CTNNA3: variants seen among roughly 807,000 people sequenced by gnomAD.
The protein encoded by CTNNA3 is catenin alpha-3.
CTNNA3 carries 76 observed loss-of-function variants against 95.7 expected under a neutral mutation model. The observed-to-expected ratio is 0.79, with a 90% confidence interval of 0.66 to 0.96. CTNNA3 has a LOEUF of 0.96. CTNNA3 is among the 40% of genes least tolerant of loss of function. The probability of loss-of-function intolerance (pLI) is 0.00; values close to 1 mark genes in which losing one functional copy is unlikely to be tolerated. For synonymous variants in CTNNA3, 431 were observed against 374.4 expected, an observed-to-expected ratio of 1.15 and a Z score of -1.74; for missense variants, 1,191 against 1,089.8, an observed-to-expected ratio of 1.09 and a Z score of -1.31.
intron 11 of CTNNA3, among the ~76,000 whole-genome samples, chr10:66,405,118 T>C (rs1158476045): frequency 6.6e-6 from 1 of 152,184 alleles, no homozygotes; most frequent in African/African-American, 2.4e-5. Flanking sequence ...TTTAACATTA[T>C]AATGGACACA....
At chr10:66,445,878 T>G (rs765982742) in intron 11 of CTNNA3, among the ~76,000 whole-genome samples, 97 of 152,026 alleles carry the variant, frequency 6.4e-4, no homozygotes, top group Non-Finnish European at 3.1e-4. Flanking sequence ...AATTAATGAA[T>G]CCAGGAGCTG....
At chr10:66,201,116 A>G (rs1208455489) in intron 13 of CTNNA3, among the ~76,000 whole-genome samples, 7 of 152,146 alleles carry the variant, frequency 4.6e-5, no homozygotes, top group African/African-American at 1.7e-4. Flanking sequence ...CATTCTCATT[A>G]CCTAATACAT....
chr10:66,697,063 G>A (rs545513514), intron 9 of CTNNA3, among the ~76,000 whole-genome samples: 2 of 152,050 alleles, frequency 1.3e-5, no homozygotes, highest in Admixed American at 1.3e-4. Context: ...GGAATTGTTA[G>A]GAAGCAACTG....
At chr10:67,425,432 C>T (rs780992060) in intron 5 of CTNNA3, among the ~76,000 whole-genome samples, 28 of 151,722 alleles carry the variant, frequency 1.8e-4, no homozygotes, top group Non-Finnish European at 3.5e-4. Context: ...GGTGATCAGG[C>T]AGAAAATAGG....
intron 13 of CTNNA3, among the ~76,000 whole-genome samples, chr10:66,244,907 A>G (rs1411738721): frequency 1.3e-5 from 2 of 152,182 alleles, no homozygotes; most frequent in African/African-American, 4.8e-5. Context: ...CCAGAGACCA[A>G]TCCTGGAGAA....
intron 7 of CTNNA3, among the ~76,000 whole-genome samples, chr10:66,933,649 C>T (rs1208771245): frequency 6.6e-6 from 1 of 152,086 alleles, no homozygotes; most frequent in East Asian, 1.9e-4. Flanking sequence ...GAAGACTGTG[C>T]CCAAGATCTC....
At chr10:66,514,366 G>A (rs748200830) in intron 11 of CTNNA3, among the ~76,000 whole-genome samples, 1 of 152,082 alleles carries the variant, frequency 6.6e-6, no homozygotes, top group Non-Finnish European at 1.5e-5. Flanking sequence ...TGGCGTAGTA[G>A]CAGTGAATAT....
intron 9 of CTNNA3, among the ~76,000 whole-genome samples, chr10:66,716,847 A>G (rs1848467173): frequency 6.6e-6 from 1 of 152,156 alleles, no homozygotes; most frequent in Non-Finnish European, 1.5e-5. Context: ...CTATCAAAGC[A>G]AAAAAACTTG....
chr10:67,350,919 T>TA (rs1365706735), intron 5 of CTNNA3, among the ~76,000 whole-genome samples: 6 of 149,712 alleles, frequency 4.0e-5, no homozygotes, highest in African/African-American at 1.5e-4. Flanking sequence ...TGTATATATA[T>TA]ATATATATAT....
At chr10:66,281,273 T>A (rs2091487143) in intron 12 of CTNNA3, among the ~76,000 whole-genome samples, 1 of 151,854 alleles carries the variant, frequency 6.6e-6, no homozygotes, top group South Asian at 2.1e-4. Flanking sequence ...ATGGATTATC[T>A]TTTTAAATTA....
At chr10:66,051,750 CTA>C (rs1360491761) in intron 15 of CTNNA3, among the ~76,000 whole-genome samples, 19 of 152,138 alleles carry the variant, frequency 1.2e-4, no homozygotes, top group African/African-American at 4.3e-4. Flanking sequence ...TTCTTGCAGA[CTA>C]TCAATTCTAT....
upstream of CTNNA3, among the ~76,000 whole-genome samples, chr10:67,699,217 A>G (rs1295464699): frequency 2.0e-5 from 3 of 152,096 alleles, no homozygotes; most frequent in Admixed American, 6.5e-5. Context: ...CAAACAAACA[A>G]AACATACTTT....
intron 14 of CTNNA3, among the ~76,000 whole-genome samples, chr10:66,100,240 A>T (rs10996896): frequency 6.6e-6 from 1 of 152,022 alleles, no homozygotes; most frequent in Non-Finnish European, 1.5e-5. Context: ...ATGCATTTCC[A>T]AATTGTCCAT....
chr10:66,713,553 C>T (rs1030185342), intron 9 of CTNNA3, among the ~76,000 whole-genome samples: 34 of 152,040 alleles, frequency 2.2e-4, no homozygotes, highest in African/African-American at 8.0e-4. Flanking sequence ...TGGTTCCCTA[C>T]TAATAGATTA....
intron 9 of CTNNA3, among the ~76,000 whole-genome samples, chr10:66,686,944 T>C (rs190914304): frequency 5.6e-4 from 85 of 152,264 alleles, no homozygotes; most frequent in African/African-American, 2.0e-3. Context: ...GAATTAAAGA[T>C]AATTTTTTAA....
intron 12 of CTNNA3, among the ~76,000 whole-genome samples, chr10:66,345,096 A>G (rs1158989656): frequency 6.6e-6 from 1 of 152,096 alleles, no homozygotes; most frequent in African/African-American, 2.4e-5. Flanking sequence ...ATTAGAAAAA[A>G]TATGGCATAG....
chr10:66,322,794 T>G (rs913430608), intron 12 of CTNNA3, among the ~76,000 whole-genome samples: 14 of 152,052 alleles, frequency 9.2e-5, no homozygotes, highest in African/African-American at 3.1e-4. Context: ...GGTGACTTAC[T>G]GGAGACCAAA....
chr10:66,566,436 G>A (rs574920587), intron 10 of CTNNA3, among the ~76,000 whole-genome samples: 4 of 152,284 alleles, frequency 2.6e-5, no homozygotes, highest in Admixed American at 6.5e-5. Context: ...GTAAGTCTGT[G>A]CCCAGATTGA....
rs1842270905 is a variant in CTNNA3 at position 67,578,998 on chromosome 10, T to TATATAG, written c.292+27858_292+27859insCTATAT. Among the ~76,000 whole-genome samples the TATATAG allele has an allele frequency of 4.0e-5, 2 of 50,046 alleles. 1 individual carries two copies. The highest frequency in any genetic ancestry group is 6.0e-5 in the Non-Finnish European group (2 of 33,270). 32.8% of individuals were successfully genotyped at this position (50,046 alleles called of 152,430 possible). A position where few individuals can be genotyped will look rare whatever the true frequency, so the allele number is the denominator to read the frequency against. ...TATAAAACCCACCTGATCATAGTGA[T>TATATAG]ATATATATATATATATATATATATA... On this transcript the variant is annotated intron_variant, in intron 3 of 17. Coordinates refer to ENST00000433211, the MANE Select transcript of CTNNA3 (RefSeq NM_013266.4).
Sources: allele counts gnomAD v4.1 joint callset (sites outside exome capture counted in the v4.1 genomes callset), GRCh38; gene constraint gnomAD v4.1.1; transcripts MANE v1.5; gene names NCBI Gene and HGNC (gene_info 2026-07-23, HGNC 2026-07-21).